Variants in FSTL4 observed in about 807,000 individuals in gnomAD.
FSTL4 encodes the protein follistatin-related protein 4.
Under a neutral mutation model 78.2 loss-of-function variants are expected in FSTL4, and 28 were observed. The ratio of observed to expected loss-of-function variants is 0.36; its 90% CI spans 0.27 to 0.49. The LOEUF (loss-of-function observed/expected upper bound fraction) is 0.49. FSTL4 is among the 20% of genes least tolerant of loss of function. The pLI, the probability that FSTL4 is intolerant of heterozygous loss-of-function variation, is 0.98. For missense variants in FSTL4, 922 were observed against 1,084.9 expected, an observed-to-expected ratio of 0.85 and a Z score of 2.11; for synonymous variants, 422 against 440.5, an observed-to-expected ratio of 0.96 and a Z score of 0.53.
chr5:133,404,186 C>T (rs1000536621), intron 3 of FSTL4, among the ~76,000 whole-genome samples: 8 of 152,194 alleles, frequency 5.3e-5, no homozygotes, highest in South Asian at 2.1e-4. Flanking sequence ...ATACCCCGGG[C>T]GGGGTAAGGC....
chr5:133,202,672 A>G (rs1182450956), intron 14 of FSTL4: 2 of 152,314 alleles, frequency 1.3e-5, no homozygotes, highest in Non-Finnish European at 2.9e-5. Flanking sequence ...CCACTCTGAC[A>G]TGCTGGGCTG....
intron 4 of FSTL4, among the ~76,000 whole-genome samples, chr5:133,387,179 G>A (rs1755719705): frequency 6.6e-6 from 1 of 152,144 alleles, no homozygotes; most frequent in African/African-American, 2.4e-5. Context: ...CCAGGTTCAG[G>A]TCAAGCCCCA....
At chr5:133,818,369 G>T in the FSTL4 span, among the ~76,000 whole-genome samples, 1 of 152,190 alleles carries the variant, frequency 6.6e-6, no homozygotes, top group Non-Finnish European at 1.5e-5. Flanking sequence ...CCTGGGTCTT[G>T]CTGCTTTGGG....
the FSTL4 span, among the ~76,000 whole-genome samples, chr5:133,795,161 C>T: frequency 7.2e-5 from 11 of 152,184 alleles, no homozygotes; most frequent in African/African-American, 2.7e-4. Flanking sequence ...AGCTTCCTGG[C>T]CCCAGGTGAG....
At chr5:133,770,964 A>G in the FSTL4 span, among the ~76,000 whole-genome samples, 1 of 151,898 alleles carries the variant, frequency 6.6e-6, no homozygotes, top group Admixed American at 6.6e-5. Flanking sequence ...TCACAGCATC[A>G]TTTATTGAAT....
At chr5:133,249,366 C>T (rs201778427) in intron 7 of FSTL4, 44 bp downstream of exon 7, 12 of 1,531,840 alleles carry the variant, frequency 7.8e-6, no homozygotes, top group African/African-American at 1.4e-5. Context: ...TGTACTCTCC[C>T]AGGGAGGTGC....
At chr5:133,784,269 A>G in the FSTL4 span, among the ~76,000 whole-genome samples, 1 of 152,240 alleles carries the variant, frequency 6.6e-6, no homozygotes, top group African/African-American at 2.4e-5. Flanking sequence ...GGCATTTGAA[A>G]AGTTGACTTG....
intron 4 of FSTL4, among the ~76,000 whole-genome samples, chr5:133,336,859 G>A (rs1754474219): frequency 6.6e-6 from 1 of 152,172 alleles, no homozygotes; most frequent in Admixed American, 6.5e-5. Context: ...CTTGAGGAGA[G>A]TGAGCACCAT....
chr5:133,452,466 C>T (rs1233173506), intron 3 of FSTL4, among the ~76,000 whole-genome samples: 2 of 152,238 alleles, frequency 1.3e-5, no homozygotes, highest in African/African-American at 4.8e-5. Flanking sequence ...GCAATTTCCA[C>T]AGGCACTTCT....
chr5:133,437,003 T>C (rs761571643), intron 3 of FSTL4, among the ~76,000 whole-genome samples: 3 of 152,202 alleles, frequency 2.0e-5, no homozygotes, highest in Admixed American at 2.0e-4. Flanking sequence ...AATGATGGAT[T>C]GGATTGAGTT....
chr5:133,734,045 C>T, the FSTL4 span, among the ~76,000 whole-genome samples: 1 of 152,206 alleles, frequency 6.6e-6, no homozygotes, highest in African/African-American at 2.4e-5. Flanking sequence ...AGCCAAGTGT[C>T]TTCTATATCC....
At chr5:133,201,892 G>A (rs765761564) in intron 15 of FSTL4, 41 bp downstream of exon 15, 1 of 1,171,610 alleles carries the variant, frequency 8.5e-7, no homozygotes, top group Non-Finnish European at 1.2e-6. Flanking sequence ...GGGCTGAGCT[G>A]GAGCGGGGAG....
At chr5:133,562,086 C>T (rs1759926305) in intron 3 of FSTL4, among the ~76,000 whole-genome samples, 1 of 152,174 alleles carries the variant, frequency 6.6e-6, no homozygotes, top group South Asian at 2.1e-4. Context: ...GAAGGAAAAG[C>T]CATCTCTTTC....
intron 4 of FSTL4, among the ~76,000 whole-genome samples, chr5:133,394,341 G>A (rs891072384): frequency 5.9e-5 from 9 of 152,264 alleles, no homozygotes; most frequent in Non-Finnish European, 1.2e-4. Context: ...TCTGCTTGCG[G>A]GGAGGTGTGG....
At chr5:133,212,117 TTAGCACCTGACACTGTC>T (rs1750749763) in intron 13 of FSTL4, among the ~76,000 whole-genome samples, 1 of 152,202 alleles carries the variant, frequency 6.6e-6, no homozygotes, top group African/African-American at 2.4e-5. Flanking sequence ...ACCAAAGGCT[TTAGCACCTGACACTGTC>T]TTCCTCTACT....
chr5:133,560,660 G>A (rs115042965), intron 3 of FSTL4, among the ~76,000 whole-genome samples: 4,371 of 150,868 alleles, frequency 0.029, 84 homozygotes, highest in Non-Finnish European at 0.044. Flanking sequence ...CACCGTGCCC[G>A]GTCGTTTGTC....
intron 7 of FSTL4, among the ~76,000 whole-genome samples, chr5:133,238,562 C>T (rs1228243650): frequency 1.3e-5 from 2 of 151,972 alleles, no homozygotes; most frequent in African/African-American, 4.8e-5. Flanking sequence ...CACATGGACA[C>T]ATGCAGTACA....
At chr5:133,728,031 A>C in the FSTL4 span, among the ~76,000 whole-genome samples, 1 of 152,244 alleles carries the variant, frequency 6.6e-6, no homozygotes. Context: ...AAAAGGGGCC[A>C]AGATGACAGT....
chr5:133,272,313 C>A (rs1011537954), intron 6 of FSTL4, among the ~76,000 whole-genome samples: 6 of 152,240 alleles, frequency 3.9e-5, no homozygotes, highest in South Asian at 2.1e-4. Context: ...GTAACACTTA[C>A]ACTCACTGCA....
Sources: gnomAD v4.1 joint callset for allele counts (sites outside exome capture counted in the v4.1 genomes callset) on GRCh38, gnomAD v4.1.1 for gene constraint, MANE v1.5 for transcripts, NCBI Gene and HGNC (gene_info 2026-07-23, HGNC 2026-07-21) for gene names.